Variants in EED observed in about 807,000 individuals in gnomAD.
The protein encoded by EED is polycomb protein EED.
Under a neutral mutation model 61.0 loss-of-function variants are expected in EED, and 9 were observed. The ratio of observed to expected loss-of-function variants is 0.15; its 90% CI spans 0.09 to 0.26. The LOEUF is 0.26. EED is among the 10% of genes least tolerant of loss of function. EED has a pLI of 1.00. For missense variants in EED, 315 were observed against 542.3 expected, an observed-to-expected ratio of 0.58 and a Z score of 4.16; for synonymous variants, 187 against 174.4, an observed-to-expected ratio of 1.07 and a Z score of -0.57.
At chr11:86,260,260 C>T (rs1422060836) in intron 6 of EED, among the ~76,000 whole-genome samples, 2 of 152,026 alleles carry the variant, frequency 1.3e-5, no homozygotes, top group African/African-American at 4.8e-5. Context: ...CAGGATCTCA[C>T]TCTGTCAACC....
At chr11:86,262,242 C>CT (rs1945851464) in intron 6 of EED, among the ~76,000 whole-genome samples, 1 of 151,928 alleles carries the variant, frequency 6.6e-6, no homozygotes, top group African/African-American at 2.4e-5. Context: ...TTTTGCTTTC[C>CT]TTTTTAATTA....
At chr11:86,276,803 C>T in intron 9 of EED, 177 bp from the exon 10 acceptor site, 1 of 417,274 alleles carries the variant, frequency 2.4e-6, no homozygotes, top group Non-Finnish European at 4.1e-6. Flanking sequence ...GATTTCTTGT[C>T]CTTAAGTATG....
Position 86,278,662 on chromosome 11 carries a change from T to C in EED, c.*137T>C, listed in dbSNP as rs1946285070. ...AATCAGGCTGAGCTGAATGTAGTGA[T>C]GTTTACATTGTTTACATTCTTTGTA... On this transcript the variant is annotated 3_prime_UTR_variant, in exon 12 of 12. Coordinates refer to ENST00000263360, the MANE Select transcript of EED (RefSeq NM_003797.5). 9.7e-7 allele frequency: 1 copy of C among 1,030,470 alleles called. No individual in the cohort carries two copies. Among genetic ancestry groups the C allele is most frequent in the Admixed American group, 3.0e-5 (1 of 33,604 alleles). The allele number at this position is 1,030,470 out of a possible 1,614,324, so 63.8% of individuals were successfully genotyped here.
chr11:86,280,726 T>C (rs1162674534), downstream of EED, among the ~76,000 whole-genome samples: 2 of 152,242 alleles, frequency 1.3e-5, no homozygotes, highest in East Asian at 1.9e-4. Flanking sequence ...TGGGCTAATA[T>C]ATCCTTCACT....
At chr11:86,287,287 C>G in the EED span, among the ~76,000 whole-genome samples, 20 of 152,254 alleles carry the variant, frequency 1.3e-4, no homozygotes, top group African/African-American at 4.8e-4. Flanking sequence ...TAAATGGCCT[C>G]TCTTTAACCA....
In EED at chr11:86,273,709, T is replaced by C. The variant is rs1247732316; in HGVS notation, c.967-3271T>C. On this transcript the variant is annotated intron_variant, in intron 9 of 11. Transcript: ENST00000263360. ...TTCACAGTTATTTTCTTTCAACACC[T>C]GACAAATGTTTTTGCTCCCTCTTTG... Among the ~76,000 whole-genome samples the C allele has an allele frequency of 2.0e-5, 3 of 152,226 alleles. No homozygotes were observed. In the East Asian group the frequency reaches 5.8e-4, roughly 29 times the overall value.
At chr11:86,268,231 C>A in intron 8 of EED, 2 of 393,138 alleles carry the variant, frequency 5.1e-6, no homozygotes, top group Non-Finnish European at 4.5e-6. Flanking sequence ...AAGTATCTAT[C>A]ATAGGACAAA....
chr11:86,269,462 A>C (rs1324251150), intron 9 of EED, among the ~76,000 whole-genome samples: 1 of 152,108 alleles, frequency 6.6e-6, no homozygotes, highest in Admixed American at 6.6e-5. Context: ...CTTGATGTGA[A>C]TTTCAGGCCA....
At chr11:86,255,704 A>G (rs1038954708) in intron 4 of EED, among the ~76,000 whole-genome samples, 6 of 152,050 alleles carry the variant, frequency 3.9e-5, no homozygotes, top group Non-Finnish European at 7.4e-5. Context: ...TATTTGATCA[A>G]CGAAGCCTAG....
chr11:86,285,153 T>C, the EED span, among the ~76,000 whole-genome samples: 5 of 151,978 alleles, frequency 3.3e-5, no homozygotes, highest in Non-Finnish European at 7.4e-5. Context: ...GGCACGGTGG[T>C]TCATGCCTGT....
chr11:86,260,676 T>C (rs1945804555), intron 6 of EED, among the ~76,000 whole-genome samples: 1 of 152,242 alleles, frequency 6.6e-6, no homozygotes. Context: ...CTTTCAATTT[T>C]TTAATGTGAG....
Position 86,268,504 on chromosome 11 carries a change from C to A in EED, c.909C>A (p.Asp303Glu). ...KIHFPDFSTR[D>E]IHRNYVDCVR... ...ATTTTCCTGATTTTTCTACCAGAGA[C>A]ATACATAGGAATTATGTTGATTGTG... is the stretch of plus-strand genomic sequence containing the variant. Residue 303 changes from aspartate to glutamate, a missense_variant, in exon 9 of 12, where the codon GAC (aspartate) becomes GAA (glutamate). Coordinates refer to ENST00000263360, the MANE Select transcript of EED (RefSeq NM_003797.5). The A allele has an allele frequency of 6.2e-7, 1 of 1,610,228 alleles. No individual in the cohort carries two copies. The highest frequency in any genetic ancestry group is 8.5e-7 in the Non-Finnish European group (1 of 1,178,118).
intron 8 of EED, among the ~76,000 whole-genome samples, chr11:86,266,508 T>C (rs1945983851): frequency 6.6e-6 from 1 of 152,140 alleles, no homozygotes; most frequent in African/African-American, 2.4e-5. Context: ...AAGTTATAAA[T>C]GTAAAAGTTT....
At chr11:86,284,714 A>G in the EED span, 1 of 152,242 alleles carries the variant, frequency 6.6e-6, no homozygotes, top group Admixed American at 6.5e-5. Context: ...TGTCAAAGAA[A>G]TGTAGATTAA....
In EED at chr11:86,245,257, C is replaced by G; in HGVS notation, c.28C>G (p.Pro10Ala). The G allele has an allele frequency of 6.2e-7, 1 of 1,613,200 alleles. No homozygotes were observed. Among genetic ancestry groups the G allele is most frequent in the Non-Finnish European group, 8.5e-7 (1 of 1,179,842 alleles). Residue 10 changes from proline (P) to alanine (A), a missense_variant, in exon 1 of 12, where the codon CCG becomes GCG. Pro to Ala is a conservative substitution (Grantham distance 27, BLOSUM62 -1). Coordinates refer to ENST00000263360, the MANE Select transcript of EED (RefSeq NM_003797.5). Reference sequence around the variant, plus strand: ...GTCCGAGAGGGAAGTGTCGACTGCGCCGGCGGGAACAGACATGCCTGCGGC... The same window carrying G: ...GTCCGAGAGGGAAGTGTCGACTGCGGCGGCGGGAACAGACATGCCTGCGGC... MSEREVSTA[P>A]AGTDMPAAKK...
At chr11:86,255,917 C>CTTT (rs1488807355) in intron 4 of EED, among the ~76,000 whole-genome samples, 6 of 152,104 alleles carry the variant, frequency 3.9e-5, no homozygotes, top group African/African-American at 1.4e-4. Context: ...TCAGTCTTCT[C>CTTT]TAAAAGATAT....
intron 8 of EED, among the ~76,000 whole-genome samples, chr11:86,266,765 G>A (rs1004944101): frequency 6.6e-6 from 1 of 152,038 alleles, no homozygotes; most frequent in African/African-American, 2.4e-5. Flanking sequence ...AGTTTTCTTA[G>A]TATATTTTTG....
At chr11:86,265,442 A>T (rs1945950185) in intron 7 of EED, 1 of 152,174 alleles carries the variant, frequency 6.6e-6, no homozygotes, top group African/African-American at 2.4e-5. Context: ...GCCTTTTGCT[A>T]AATTAAATAG....
chr11:86,277,209 T>A (rs1457495903), intron 10 of EED, 71 bp downstream of exon 10: 3 of 1,393,084 alleles, frequency 2.2e-6, no homozygotes. Context: ...GCTTTTTCTG[T>A]TGTGTCCATG....
Sources: gnomAD v4.1 joint callset for allele counts (sites outside exome capture counted in the v4.1 genomes callset) on GRCh38, gnomAD v4.1.1 for gene constraint, MANE v1.5 for transcripts, NCBI Gene and HGNC (gene_info 2026-07-23, HGNC 2026-07-21) for gene names.